Variants in LOC128125817 observed in about 807,000 individuals in gnomAD.
the LOC128125817 span, among the ~76,000 whole-genome samples, chr1:41,593,271 G>A: frequency 6.6e-6 from 1 of 152,028 alleles, no homozygotes; most frequent in Non-Finnish European, 1.5e-5. Flanking sequence ...TTTAATATAT[G>A]TTCTTCCCGA....
chr1:41,624,605 G>A, the LOC128125817 span, among the ~76,000 whole-genome samples: 1 of 152,180 alleles, frequency 6.6e-6, no homozygotes, highest in African/African-American at 2.4e-5. Flanking sequence ...ATACAAGCAA[G>A]TACACTCTGA....
chr1:41,608,917 C>CAAAAAAAAAAAAAA, the LOC128125817 span, among the ~76,000 whole-genome samples: 1 of 123,548 alleles, frequency 8.1e-6, no homozygotes, highest in African/African-American at 2.9e-5. Context: ...CTAAAAATAC[C>CAAAAAAAAAAAAAA]AAAAAAAAAA....
At chr1:41,619,984 T>C in the LOC128125817 span, among the ~76,000 whole-genome samples, 1 of 152,116 alleles carries the variant, frequency 6.6e-6, no homozygotes, top group Non-Finnish European at 1.5e-5. Flanking sequence ...AGCTCTCTAG[T>C]GGGTGACTCA....
chr1:41,621,475 C>A, the LOC128125817 span, among the ~76,000 whole-genome samples: 10 of 152,234 alleles, frequency 6.6e-5, no homozygotes, highest in African/African-American at 2.2e-4. Context: ...GTCCACTCCC[C>A]ACCCTGAGCT....
chr1:41,621,688 T>C, the LOC128125817 span, among the ~76,000 whole-genome samples: 2,291 of 152,298 alleles, frequency 0.015, 69 homozygotes, highest in African/African-American at 0.052. Context: ...AAATTTTTTA[T>C]TTTTCTAGTT....
the LOC128125817 span, among the ~76,000 whole-genome samples, chr1:41,606,327 A>G: frequency 6.6e-6 from 1 of 151,970 alleles, no homozygotes; most frequent in East Asian, 1.9e-4. Context: ...ATTTGTCCAC[A>G]TTCTCTACTT....
the LOC128125817 span, among the ~76,000 whole-genome samples, chr1:41,619,594 C>T: frequency 6.6e-6 from 1 of 152,272 alleles, no homozygotes; most frequent in South Asian, 2.1e-4. Flanking sequence ...TGACCTACCT[C>T]TTTGAGGATG....
At chr1:41,596,341 C>T in the LOC128125817 span, among the ~76,000 whole-genome samples, 1 of 152,326 alleles carries the variant, frequency 6.6e-6, no homozygotes, top group African/African-American at 2.4e-5. Context: ...TACCCTCTGA[C>T]CTGGATTCAT....
chr1:41,625,912 C>T, the LOC128125817 span, among the ~76,000 whole-genome samples: 2 of 152,192 alleles, frequency 1.3e-5, no homozygotes, highest in African/African-American at 4.8e-5. Flanking sequence ...TATATATTGA[C>T]ATTCCATGCA....
the LOC128125817 span, among the ~76,000 whole-genome samples, chr1:41,611,406 G>A: frequency 6.6e-6 from 1 of 152,156 alleles, no homozygotes; most frequent in Non-Finnish European, 1.5e-5. Flanking sequence ...ATGCTGATGG[G>A]GACAGAGCGC....
chr1:41,605,273 G>A, the LOC128125817 span, among the ~76,000 whole-genome samples: 1 of 151,750 alleles, frequency 6.6e-6, no homozygotes, highest in Admixed American at 6.6e-5. Context: ...AATGGGGCAG[G>A]TGGGTATTTA....
At chr1:41,585,885 T>C in the LOC128125817 span, among the ~76,000 whole-genome samples, 2 of 152,256 alleles carry the variant, frequency 1.3e-5, no homozygotes, top group Non-Finnish European at 2.9e-5. Flanking sequence ...TAGATTATTC[T>C]CAGGTTAGTA....
chr1:41,608,610 C>T, the LOC128125817 span, among the ~76,000 whole-genome samples: 2 of 152,176 alleles, frequency 1.3e-5, no homozygotes, highest in South Asian at 2.1e-4. Flanking sequence ...TCTTCTGAGA[C>T]AAAAATCACT....
chr1:41,596,020 C>T, the LOC128125817 span, among the ~76,000 whole-genome samples: 17 of 152,242 alleles, frequency 1.1e-4, no homozygotes, highest in Non-Finnish European at 2.1e-4. Context: ...GTTCAATGTA[C>T]GCAAAGCACA....
the LOC128125817 span, among the ~76,000 whole-genome samples, chr1:41,621,526 G>GT: frequency 6.6e-6 from 1 of 152,108 alleles, no homozygotes; most frequent in African/African-American, 2.4e-5. Context: ...GTTTTGTTTT[G>GT]TTTTTCGAGA....
At chr1:41,599,440 C>G in the LOC128125817 span, among the ~76,000 whole-genome samples, 2 of 152,164 alleles carry the variant, frequency 1.3e-5, no homozygotes, top group African/African-American at 2.4e-5. Flanking sequence ...TTTAAAACTT[C>G]TGTTCAACAA....
At chr1:41,618,439 G>A in the LOC128125817 span, among the ~76,000 whole-genome samples, 2 of 152,224 alleles carry the variant, frequency 1.3e-5, no homozygotes, top group South Asian at 2.1e-4. Context: ...TCCAAAGGGC[G>A]TAGTGTTGAG....
the LOC128125817 span, among the ~76,000 whole-genome samples, chr1:41,594,657 C>T: frequency 6.6e-6 from 1 of 152,106 alleles, no homozygotes; most frequent in Non-Finnish European, 1.5e-5. Flanking sequence ...AGCTATTGAT[C>T]CTTTACATAT....
chr1:41,620,315 G>A, the LOC128125817 span, among the ~76,000 whole-genome samples: 4 of 152,146 alleles, frequency 2.6e-5, no homozygotes, highest in South Asian at 8.3e-4. Context: ...TAGTTTGATT[G>A]ACATTTTTAT....
Sources: gnomAD v4.1 joint callset for allele counts (sites outside exome capture counted in the v4.1 genomes callset) on GRCh38, gnomAD v4.1.1 for gene constraint, MANE v1.5 for transcripts.